The following PRKD3 variants were observed in gnomAD, a reference collection of about 807,000 sequenced individuals.
PRKD3 encodes protein kinase D3.
In PRKD3, 47 loss-of-function variants were observed where a neutral mutation model predicts 99.2. That is an observed-to-expected ratio of 0.47 (90% CI 0.38 to 0.60). The LOEUF (loss-of-function observed/expected upper bound fraction) is 0.60, where lower values mean the gene tolerates loss of function less well. PRKD3 is among the 20% of genes least tolerant of loss of function. PRKD3 has a pLI of 0.00. For synonymous variants in PRKD3, 392 were observed against 355.4 expected (o/e 1.10, Z -1.16); for missense variants, 1,019 against 1,088.4 (o/e 0.94, Z 0.90).
intron 2 of PRKD3, among the ~76,000 whole-genome samples, chr2:37,302,182 T>C (rs930019278): frequency 6.6e-6 from 1 of 152,210 alleles, no homozygotes; most frequent in Non-Finnish European, 1.5e-5. Flanking sequence ...AAATAACTAA[T>C]GATACAGCAT....
At chr2:37,277,223 T>C (rs1437706529) in intron 9 of PRKD3, among the ~76,000 whole-genome samples, 1 of 152,192 alleles carries the variant, frequency 6.6e-6, no homozygotes, top group Non-Finnish European at 1.5e-5. Context: ...TCTTCTCATA[T>C]ATTAACTGAT....
chr2:37,313,054 G>C (rs1671507260), intron 2 of PRKD3, among the ~76,000 whole-genome samples: 1 of 152,212 alleles, frequency 6.6e-6, no homozygotes, highest in Non-Finnish European at 1.5e-5. Context: ...AAAGTGCTAT[G>C]ATATTGTTTG....
chr2:37,295,884 C>G (rs750416470), intron 2 of PRKD3, among the ~76,000 whole-genome samples: 3 of 151,984 alleles, frequency 2.0e-5, no homozygotes, highest in Non-Finnish European at 4.4e-5. Context: ...AGAAAGAGAC[C>G]AGAGAGCAAG....
chr2:37,324,209 G>A, intron 1 of PRKD3: 1 of 985,432 alleles, frequency 1.0e-6, no homozygotes, highest in Non-Finnish European at 1.2e-6. Flanking sequence ...CCTTTGAGAC[G>A]ACTACAACGC....
intron 13 of PRKD3, chr2:37,267,758 A>G: frequency 4.4e-6 from 2 of 450,038 alleles, no homozygotes; most frequent in Non-Finnish European, 7.8e-6. Flanking sequence ...TTATCTAAAC[A>G]GGAGAAAATT....
At chr2:37,321,858 C>A (rs971064475) in intron 1 of PRKD3, among the ~76,000 whole-genome samples, 13 of 152,088 alleles carry the variant, frequency 8.5e-5, no homozygotes, top group Non-Finnish European at 5.9e-5. Flanking sequence ...CAAAAGGATT[C>A]CAGGAAGGCA....
At chr2:37,293,070 T>G (rs758617453) in intron 3 of PRKD3, 63 bp downstream of exon 3, 432 of 1,427,940 alleles carry the variant, frequency 3.0e-4, no homozygotes, top group Non-Finnish European at 3.9e-4. Flanking sequence ...TTGCAGCATT[T>G]AGTACAGAAA....
rs529823398 is a variant in PRKD3, at chr2:37,251,420, T to TATC, written c.*1754_*1756dup. On this transcript the variant is annotated 3_prime_UTR_variant, in exon 19 of 19. Transcript: ENST00000234179. Reference sequence around the variant, plus strand: ...TAATCTCCCCTTGCCTCAGTTTTCTTATCTTTAAGATGAAGCTCATAATGA... The same window carrying TATC: ...TAATCTCCCCTTGCCTCAGTTTTCTTATCATCTTTAAGATGAAGCTCATAATGA... The TATC allele has an allele frequency of 3.9e-5, 6 of 152,700 alleles. No homozygotes were observed. In the East Asian group the frequency reaches 1.2e-3, roughly 29 times the overall value. 9.5% of individuals were successfully genotyped at this position (152,700 alleles called of 1,614,324 possible).
At position 37,274,449 on chromosome 2, in the gene PRKD3, G is replaced by A; in HGVS notation, c.1623C>T (p.Cys541=). Residue 541 remains cysteine (C), a synonymous_variant, in exon 11 of 19, where the codon TGC becomes TGT. Transcript: ENST00000234179. ...GATCTTTCCCTTGCCCTGGAGAAGT[G>A]CAAACACTTGCTTGAGGAGTAACAG... The part of the protein sequence containing the change: ...LMPVTPQASV[C]TSPGQGKDHK... 2 of 1,614,094 alleles carry A rather than the reference G, an allele frequency of 1.2e-6. No homozygotes were observed. Among genetic ancestry groups the A allele is most frequent in the Non-Finnish European group, 1.7e-6 (2 of 1,179,988 alleles).
At chr2:37,274,842 A>G in intron 10 of PRKD3, 145 bp from the exon 11 acceptor site, 1 of 815,276 alleles carries the variant, frequency 1.2e-6, no homozygotes, top group South Asian at 1.8e-5. Flanking sequence ...GTTGAGTCTT[A>G]TGACATGGCC....
Position 37,291,396 on chromosome 2 carries a change from G to C in PRKD3, c.428-397C>G, listed in dbSNP as rs142859522. On this transcript the variant is annotated intron_variant, in intron 3 of 18. Coordinates refer to ENST00000234179, the MANE Select transcript of PRKD3 (RefSeq NM_005813.6). Reference sequence around the variant, plus strand: ...AAACGTTTCTGTGGAAAAAGATACTGAGTCCTAATTTAGGATCCCAGGATA... The same window carrying C: ...AAACGTTTCTGTGGAAAAAGATACTCAGTCCTAATTTAGGATCCCAGGATA... Among the ~76,000 whole-genome samples, 14 of 152,336 alleles carry C rather than the reference G, an allele frequency of 9.2e-5. 1 individual carries two copies. In the East Asian group the frequency reaches 2.7e-3, roughly 29 times the overall value.
At chr2:37,276,506 G>A (rs1160225255) in intron 9 of PRKD3, among the ~76,000 whole-genome samples, 2 of 151,780 alleles carry the variant, frequency 1.3e-5, no homozygotes, top group East Asian at 3.9e-4. Context: ...TTTTCCTATT[G>A]CGTTATGTTC....
At chr2:37,256,142 G>T (rs1157123440) in intron 17 of PRKD3, among the ~76,000 whole-genome samples, 1 of 152,218 alleles carries the variant, frequency 6.6e-6, no homozygotes, top group Non-Finnish European at 1.5e-5. Flanking sequence ...TTAATAGGAA[G>T]GATTGTAGAC....
chr2:37,270,383 T>G (rs1436015972), intron 12 of PRKD3, among the ~76,000 whole-genome samples: 1 of 149,758 alleles, frequency 6.7e-6, no homozygotes, highest in Non-Finnish European at 1.5e-5. Context: ...AAAGTTCATA[T>G]TACTGGGATT....
chr2:37,260,852 T>C (rs1397243044), intron 14 of PRKD3, among the ~76,000 whole-genome samples: 1 of 152,224 alleles, frequency 6.6e-6, no homozygotes, highest in Admixed American at 6.5e-5. Flanking sequence ...TAATCATTAA[T>C]TCCCTTTTTT....
intron 7 of PRKD3, chr2:37,282,319 A>C: frequency 1.9e-6 from 1 of 523,272 alleles, no homozygotes; most frequent in Non-Finnish European, 3.4e-6. Context: ...CACTGGCTAT[A>C]TTAGACTACA....
intron 2 of PRKD3, among the ~76,000 whole-genome samples, chr2:37,294,493 T>C (rs950120414): frequency 6.6e-6 from 1 of 152,114 alleles, no homozygotes; most frequent in Non-Finnish European, 1.5e-5. Context: ...GGGTAAATAA[T>C]GGGAAAGTAC....
At chr2:37,273,821 G>A (rs559141135) in intron 11 of PRKD3, among the ~76,000 whole-genome samples, 4 of 152,228 alleles carry the variant, frequency 2.6e-5, no homozygotes, top group Admixed American at 6.5e-5. Flanking sequence ...GTGACCTTTC[G>A]ATTGTTAACT....
At chr2:37,283,930 C>T (rs1669973352) in intron 6 of PRKD3, among the ~76,000 whole-genome samples, 1 of 151,250 alleles carries the variant, frequency 6.6e-6, no homozygotes, top group Non-Finnish European at 1.5e-5. Flanking sequence ...AATTCAGAGC[C>T]GAATTTGTGG....
Sources: gnomAD v4.1 joint callset for allele counts (sites outside exome capture counted in the v4.1 genomes callset) on GRCh38, gnomAD v4.1.1 for gene constraint, MANE v1.5 for transcripts, NCBI Gene and HGNC (gene_info 2026-07-23, HGNC 2026-07-21) for gene names.